The following DLGAP2 variants were observed in gnomAD, a reference collection of about 807,000 sequenced individuals.
DLGAP2 encodes the protein DLG associated protein 2, also known as disks large-associated protein 2.
In DLGAP2, 26 loss-of-function variants were observed where a neutral mutation model predicts 100.3. That is an observed-to-expected ratio of 0.26 (90% CI 0.19 to 0.36). The LOEUF (loss-of-function observed/expected upper bound fraction) is 0.36. Ranked by LOEUF, DLGAP2 falls within the 10% of genes least tolerant of loss-of-function variation. The pLI, the probability that DLGAP2 is intolerant of heterozygous loss-of-function variation, is 1.00. For missense variants in DLGAP2, 1,858 were observed against 1,453.2 expected, an observed-to-expected ratio of 1.28 and a Z score of -4.53; for synonymous variants, 886 against 630.1, an observed-to-expected ratio of 1.41 and a Z score of -6.08.
chr8:1,567,161 A>C (rs1802437482), intron 6 of DLGAP2, among the ~76,000 whole-genome samples: 1 of 152,254 alleles, frequency 6.6e-6, no homozygotes, highest in South Asian at 2.1e-4. Flanking sequence ...GGGGAGCTGG[A>C]CAGAGCTGGG....
rs181789348 is a variant in DLGAP2, at chr8:1,707,831, G to C, written c.*6425G>C. 3 of 152,680 alleles carry C rather than the reference G, an allele frequency of 2.0e-5. No homozygotes were observed. Among genetic ancestry groups the C allele is most frequent in the African/African-American group, 4.8e-5 (2 of 41,564 alleles). The allele number at this position is 152,680 out of a possible 1,614,324, so 9.5% of individuals were successfully genotyped here. ...ATCATATCGAGTGTGAGGATGAGCAGAGTGCCAAATATTCAGCATCTGTAC... is the reference window on the plus strand; with the variant it reads ...ATCATATCGAGTGTGAGGATGAGCACAGTGCCAAATATTCAGCATCTGTAC... On this transcript the variant is annotated 3_prime_UTR_variant, in exon 15 of 15. Coordinates refer to ENST00000637795, the MANE Select transcript of DLGAP2 (RefSeq NM_001346810.2).
At chr8:1,067,666 A>C (rs1454118955) in intron 2 of DLGAP2, among the ~76,000 whole-genome samples, 2 of 150,668 alleles carry the variant, frequency 1.3e-5, no homozygotes, top group Admixed American at 6.6e-5. Context: ...TTTTTAGCAC[A>C]GTTTTAGGTA....
chr8:812,330 T>C (rs1279595683), intron 1 of DLGAP2, among the ~76,000 whole-genome samples: 3 of 152,040 alleles, frequency 2.0e-5, no homozygotes, highest in Non-Finnish European at 4.4e-5. Flanking sequence ...TGACTGCCCA[T>C]GGGGGATGGT....
chr8:827,306 T>C (rs919117295), intron 1 of DLGAP2, among the ~76,000 whole-genome samples: 7 of 152,230 alleles, frequency 4.6e-5, no homozygotes, highest in African/African-American at 1.7e-4. Context: ...ACTGTTTGTC[T>C]TCAATGTGAG....
chr8:1,068,931 G>A (rs1055190928), intron 2 of DLGAP2, among the ~76,000 whole-genome samples: 2 of 152,122 alleles, frequency 1.3e-5, no homozygotes, highest in East Asian at 3.9e-4. Flanking sequence ...CGGGGGCTGG[G>A]CTCAGGGCAG....
intron 2 of DLGAP2, among the ~76,000 whole-genome samples, chr8:1,147,521 A>G (rs1190244090): frequency 6.7e-6 from 1 of 149,720 alleles, no homozygotes; most frequent in Non-Finnish European, 1.5e-5. Flanking sequence ...ATGATTATGT[A>G]ATTTTTATAC....
intron 3 of DLGAP2, among the ~76,000 whole-genome samples, chr8:1,325,588 G>A (rs1023911653): frequency 6.6e-6 from 1 of 152,190 alleles, no homozygotes; most frequent in Non-Finnish European, 1.5e-5. Flanking sequence ...GGATGCAAAA[G>A]GGATCTCCCC....
chr8:758,931 C>T (rs1013011024), intron 1 of DLGAP2, among the ~76,000 whole-genome samples: 1 of 150,434 alleles, frequency 6.6e-6, no homozygotes, highest in African/African-American at 2.5e-5. Context: ...TCCTATCTAA[C>T]CACTACCCTC....
intron 3 of DLGAP2, among the ~76,000 whole-genome samples, chr8:1,465,025 C>T (rs1798584303): frequency 6.6e-6 from 1 of 152,266 alleles, no homozygotes; most frequent in South Asian, 2.1e-4. Flanking sequence ...TTGGGGGCTT[C>T]TCCCCACCAC....
intron 8 of DLGAP2, among the ~76,000 whole-genome samples, chr8:1,663,899 G>A (rs945200862): frequency 4.6e-5 from 7 of 152,202 alleles, no homozygotes; most frequent in South Asian, 2.1e-4. Context: ...ACTCCATGAC[G>A]CTTGTAAAGA....
chr8:1,328,817 G>T (rs986269192), intron 3 of DLGAP2, among the ~76,000 whole-genome samples: 2 of 152,232 alleles, frequency 1.3e-5, no homozygotes, highest in East Asian at 3.8e-4. Flanking sequence ...TTTATGCAGA[G>T]CTGTGTTTCT....
At chr8:1,097,369 A>G (rs1371266351) in intron 2 of DLGAP2, among the ~76,000 whole-genome samples, 4 of 126,418 alleles carry the variant, frequency 3.2e-5, no homozygotes, top group African/African-American at 1.3e-4. Flanking sequence ...TGTGCTCAGT[A>G]GAGTGGAGCT....
At chr8:1,683,988 ACT>A (rs1799045982) in intron 12 of DLGAP2, among the ~76,000 whole-genome samples, 30 of 52,000 alleles carry the variant, frequency 5.8e-4, no homozygotes, top group East Asian at 4.0e-3. Flanking sequence ...ATATATATAT[ACT>A]TTTTTTTTTA....
intron 3 of DLGAP2, among the ~76,000 whole-genome samples, chr8:1,477,371 G>A (rs1798964559): frequency 6.6e-6 from 1 of 152,250 alleles, no homozygotes; most frequent in African/African-American, 2.4e-5. Context: ...CCCACCCTCC[G>A]GCTCTGTCCT....
At chr8:958,281 T>G (rs1406284111) in intron 2 of DLGAP2, among the ~76,000 whole-genome samples, 1 of 152,234 alleles carries the variant, frequency 6.6e-6, no homozygotes, top group Non-Finnish European at 1.5e-5. Flanking sequence ...CCATGTTTTG[T>G]CGATCCATTC....
chr8:1,346,212 C>T (rs1392629171), intron 3 of DLGAP2, among the ~76,000 whole-genome samples: 1 of 152,190 alleles, frequency 6.6e-6, no homozygotes, highest in African/African-American at 2.4e-5. Flanking sequence ...CTCACGGTAG[C>T]TGTGTGGAGG....
At chr8:1,508,866 G>A (rs1353244920) in intron 4 of DLGAP2, among the ~76,000 whole-genome samples, 1 of 151,750 alleles carries the variant, frequency 6.6e-6, no homozygotes, top group Non-Finnish European at 1.5e-5. Flanking sequence ...TCTCCAGAGG[G>A]GATCATTTGT....
intron 3 of DLGAP2, among the ~76,000 whole-genome samples, chr8:1,368,232 A>T (rs532914511): frequency 6.6e-6 from 1 of 151,728 alleles, no homozygotes; most frequent in East Asian, 1.9e-4. Context: ...GCAGGTGTGT[A>T]TGCATGTATG....
intron 3 of DLGAP2, among the ~76,000 whole-genome samples, chr8:1,317,157 G>A (rs1464713249): frequency 5.9e-5 from 8 of 134,932 alleles, no homozygotes; most frequent in Non-Finnish European, 9.4e-5. Context: ...GGAGAAACTC[G>A]GCAGCTTTAA....
Sources: allele counts gnomAD v4.1 joint callset (sites outside exome capture counted in the v4.1 genomes callset), GRCh38; gene constraint gnomAD v4.1.1; transcripts MANE v1.5; gene names NCBI Gene and HGNC (gene_info 2026-07-23, HGNC 2026-07-21).